Variants in DYNC1H1 observed in about 807,000 individuals in gnomAD.
The protein encoded by DYNC1H1 is dynein cytoplasmic 1 heavy chain 1.
Under a neutral mutation model 527.1 loss-of-function variants are expected in DYNC1H1, and 51 were observed. The ratio of observed to expected loss-of-function variants is 0.10; its 90% confidence interval spans 0.08 to 0.12. The LOEUF (loss-of-function observed/expected upper bound fraction) is 0.12. Ranked by LOEUF, DYNC1H1 falls within the 10% of genes least tolerant of loss-of-function variation. The pLI, the probability that DYNC1H1 is intolerant of heterozygous loss-of-function variation, is 1.00. For missense variants in DYNC1H1, 2,771 were observed against 5,971.8 expected (o/e 0.46, Z 17.66); for synonymous variants, 2,189 against 2,278.8 (o/e 0.96, Z 1.12).
chr14:101,992,445 T>G (rs931895602), intron 11 of DYNC1H1, among the ~76,000 whole-genome samples: 7 of 152,154 alleles, frequency 4.6e-5, no homozygotes, highest in African/African-American at 1.7e-4. Context: ...CTTAGCATCA[T>G]TCTCATCATG....
At chr14:102,004,297 G>T (rs1350442501) in intron 23 of DYNC1H1, among the ~76,000 whole-genome samples, 2 of 152,176 alleles carry the variant, frequency 1.3e-5, no homozygotes, top group Non-Finnish European at 2.9e-5. Context: ...CAAATGACAT[G>T]AAATTCTTTG....
intron 9 of DYNC1H1, among the ~76,000 whole-genome samples, chr14:101,988,466 G>T (rs1435045553): frequency 2.0e-5 from 3 of 152,222 alleles, no homozygotes; most frequent in Non-Finnish European, 4.4e-5. Context: ...TTTTATAGCA[G>T]AGGTTACAGG....
intron 10 of DYNC1H1, among the ~76,000 whole-genome samples, chr14:101,990,784 G>A (rs2047988187): frequency 6.6e-6 from 1 of 152,020 alleles, no homozygotes; most frequent in Non-Finnish European, 1.5e-5. Flanking sequence ...GCCGAGGCAG[G>A]CAGATCACGA....
intron 72 of DYNC1H1, among the ~76,000 whole-genome samples, chr14:102,047,005 G>A (rs1389977001): frequency 1.1e-4 from 17 of 152,160 alleles, no homozygotes; most frequent in Admixed American, 1.1e-3. Flanking sequence ...ATGTTGCCCA[G>A]GCTAGTCTTG....
At position 102,041,983 on chromosome 14, in the gene DYNC1H1, T is replaced by C. The variant is rs1290018524; in HGVS notation, c.12103-30T>C. The C allele has an allele frequency of 7.5e-6, 12 of 1,609,346 alleles. 1 individual carries two copies. The highest frequency in any genetic ancestry group is 1.3e-5 in the African/African-American group (1 of 74,948). ...ACAGGTACACACTATTTGCTGGCACTGTAATAACTTCTGCCTTCTTTGTTT... is the reference window on the plus strand; with the variant it reads ...ACAGGTACACACTATTTGCTGGCACCGTAATAACTTCTGCCTTCTTTGTTT... On this transcript the variant is annotated intron_variant, in intron 65 of 77. Transcript: ENST00000360184. This position sits in a 1 kb window ranked among gnomAD's most constrained non-coding sequence, Gnocchi z 4.5.
intron 1 of DYNC1H1, among the ~76,000 whole-genome samples, chr14:101,974,724 A>G (rs2047780376): frequency 1.3e-5 from 2 of 152,234 alleles, no homozygotes; most frequent in African/African-American, 2.4e-5. Context: ...AAATTGAGAC[A>G]TGGTTTCACC....
At chr14:102,043,330 GTC>G (rs896908502) in intron 69 of DYNC1H1, 6 of 217,778 alleles carry the variant, frequency 2.8e-5, no homozygotes, top group Non-Finnish European at 5.5e-5. Flanking sequence ...GTGAGATCCT[GTC>G]TCTATATAAA....
At chr14:101,994,428 A>AAGATACATAT (rs2048034171) in intron 12 of DYNC1H1, 104 bp downstream of exon 12, 11 of 1,528,518 alleles carry the variant, frequency 7.2e-6, no homozygotes, top group Non-Finnish European at 9.9e-6. Context: ...GACTGTATGT[A>AAGATACATAT]TGGTTCACTA....
At chr14:101,982,966 C>G in intron 5 of DYNC1H1, 53 bp from the exon 6 acceptor site, 1 of 1,602,206 alleles carries the variant, frequency 6.2e-7, no homozygotes, top group Non-Finnish European at 8.5e-7. Flanking sequence ...TTTTAGTTTA[C>G]TTAGTTTTGT....
intron 72 of DYNC1H1, chr14:102,047,564 CATATATATATACATACACATACGT>C (rs1212497055): frequency 3.7e-6 from 1 of 271,010 alleles, no homozygotes; most frequent in African/African-American, 2.4e-5. Flanking sequence ...CACACACACA[CATATATATATACATACACATACGT>C]ATATATATAT....
rs1886712234 is a variant in DYNC1H1 at position 102,039,814 on chromosome 14, ATTTCT to A, written c.11690+86_11690+90del. ...TCATGATCAGATACATGCTTTTATT[ATTTCT>A]TTTATTTTCTCTTTTATTTTCTTTA... On this transcript the variant is annotated intron_variant, in intron 62 of 77. Transcript: ENST00000360184. This position sits in a 1 kb window ranked among gnomAD's most constrained non-coding sequence, Gnocchi z 7.0. 2.2e-5 allele frequency: 32 copies of A among 1,424,584 alleles called. 1 individual carries two copies. Among genetic ancestry groups the A allele is most frequent in the Middle Eastern group, 2.4e-4 (1 of 4,188 alleles). 88.2% of individuals were successfully genotyped at this position (1,424,584 alleles called of 1,614,324 possible).
At position 102,036,765 on chromosome 14, in the gene DYNC1H1, T is replaced by C; in HGVS notation, c.10908+123T>C. On this transcript the variant is annotated intron_variant, in intron 57 of 77. Coordinates refer to ENST00000360184, the MANE Select transcript of DYNC1H1 (RefSeq NM_001376.5). This position sits in a 1 kb window ranked among gnomAD's most constrained non-coding sequence, Gnocchi z 5.6. ...GTATCAGAAGGATAAAGCTTTGCGG[T>C]GGTTCTGTAATAGATAAATTCAACA... The C allele has an allele frequency of 7.7e-7, 1 of 1,293,664 alleles. No homozygotes were observed. Among genetic ancestry groups the C allele is most frequent in the Non-Finnish European group, 1.1e-6 (1 of 896,692 alleles). The allele number at this position is 1,293,664 out of a possible 1,614,324, so 80.1% of individuals were successfully genotyped here.
chr14:102,017,606 A>C lies in DYNC1H1; in HGVS notation c.8177+102A>C. On this transcript the variant is annotated intron_variant, in intron 40 of 77. Coordinates refer to ENST00000360184, the MANE Select transcript of DYNC1H1 (RefSeq NM_001376.5). This position sits in a 1 kb window ranked among gnomAD's most constrained non-coding sequence, Gnocchi z 4.6. ...CCTGGTTTTGATAATAAAGACAACA[A>C]TACTGCTTATTGTGGATTCCTCTTG... The C allele has an allele frequency of 6.3e-7, 1 of 1,579,218 alleles. No homozygotes were observed. The highest frequency in any genetic ancestry group is 1.3e-5 in the African/African-American group (1 of 74,180).
intron 1 of DYNC1H1, among the ~76,000 whole-genome samples, chr14:101,973,018 A>C (rs1018651259): frequency 6.6e-6 from 1 of 152,100 alleles, no homozygotes; most frequent in Middle Eastern, 3.4e-3. Flanking sequence ...GTCTAGCTAC[A>C]TTTGAGTGGT....
At position 102,027,557 on chromosome 14, in the gene DYNC1H1, C is replaced by A. The variant is rs369228374; in HGVS notation, c.9048+13C>A. 4 of 1,614,004 alleles carry A rather than the reference C, an allele frequency of 2.5e-6. No homozygotes were observed. Among genetic ancestry groups the A allele is most frequent in the Non-Finnish European group, 2.5e-6 (3 of 1,180,042 alleles). On this transcript the variant is annotated intron_variant, in intron 46 of 77. Transcript: ENST00000360184. The surrounding 1 kb of genome is among the most constrained non-coding windows in gnomAD (Gnocchi z 7.7). The stretch of plus-strand genomic sequence containing the variant: ...GGCCAATGGAGAGGTAATTAGGTGA[C>A]GTGTTGCGTTGCATTACGTGTTACC...
intron 7 of DYNC1H1, among the ~76,000 whole-genome samples, chr14:101,984,401 ATGTG>A (rs34162363): frequency 0.42 from 42,770 of 101,918 alleles, 9,665 homozygotes; most frequent in Non-Finnish European, 0.48. Context: ...ATGCGTATAT[ATGTG>A]TGTGTGTGTG....
Position 101,979,701 on chromosome 14 carries a change from T to G in DYNC1H1, c.519-18T>G. On this transcript the variant is annotated intron_variant, in intron 3 of 77. Transcript: ENST00000360184. The surrounding 1 kb of genome is among the most constrained non-coding windows in gnomAD (Gnocchi z 4.6). Reference sequence around the variant, plus strand: ...ACCAATAGCACACTAAATGTTGAGGTATGAAATCTGTTTTTAGGGATGGTG... The same window carrying G: ...ACCAATAGCACACTAAATGTTGAGGGATGAAATCTGTTTTTAGGGATGGTG... 1 of 1,613,730 alleles carries G rather than the reference T, an allele frequency of 6.2e-7. No homozygotes were observed. The highest frequency in any genetic ancestry group is 8.5e-7 in the Non-Finnish European group (1 of 1,180,042).
At chr14:102,026,446 G>T in intron 43 of DYNC1H1, 128 bp from the exon 44 acceptor site, 1 of 1,045,524 alleles carries the variant, frequency 9.6e-7, no homozygotes, top group Admixed American at 2.3e-5. Flanking sequence ...TTTTTGCTAT[G>T]TTATAAATGA....
At chr14:101,989,981 C>T (rs1321155546) in intron 10 of DYNC1H1, among the ~76,000 whole-genome samples, 2 of 152,190 alleles carry the variant, frequency 1.3e-5, no homozygotes, top group East Asian at 3.8e-4. Flanking sequence ...CTACAGTATT[C>T]AGTACAGTAA....
Sources: allele counts gnomAD v4.1 joint callset (sites outside exome capture counted in the v4.1 genomes callset), GRCh38; gene constraint gnomAD v4.1.1; non-coding constraint Gnocchi (gnomAD v3.1); transcripts MANE v1.5; gene names NCBI Gene and HGNC (gene_info 2026-07-23, HGNC 2026-07-21).